The following PDZRN4 variants were observed in gnomAD, a reference collection of about 807,000 sequenced individuals.
The protein encoded by PDZRN4 is PDZ domain containing ring finger 4, also known as PDZ domain-containing RING finger protein 4.
In PDZRN4, 70 loss-of-function variants were observed where a neutral mutation model predicts 99.0. That is an observed-to-expected ratio of 0.71 (90% CI 0.58 to 0.86). The LOEUF is 0.86. Among genes scored for constraint, PDZRN4 ranks in the 40% least tolerant of loss-of-function variants. The pLI is 0.00. For missense variants in PDZRN4, 1,474 were observed against 1,331.2 expected, an observed-to-expected ratio of 1.11 and a Z score of -1.67; for synonymous variants, 551 against 501.6, an observed-to-expected ratio of 1.10 and a Z score of -1.32.
intron 3 of PDZRN4, among the ~76,000 whole-genome samples, chr12:41,316,718 C>T (rs1004777103): frequency 6.6e-6 from 1 of 151,794 alleles, no homozygotes; most frequent in Non-Finnish European, 1.5e-5. Flanking sequence ...ATCCAATTAC[C>T]TCCTATAAAA....
chr12:41,436,589 A>G (rs1952631540), intron 3 of PDZRN4, among the ~76,000 whole-genome samples: 2 of 152,220 alleles, frequency 1.3e-5, no homozygotes, highest in Non-Finnish European at 2.9e-5. Context: ...GATGTGCTGG[A>G]ACAAGGACAT....
At chr12:41,377,636 C>T (rs1187363524) in intron 3 of PDZRN4, among the ~76,000 whole-genome samples, 2 of 152,000 alleles carry the variant, frequency 1.3e-5, no homozygotes, top group Non-Finnish European at 2.9e-5. Flanking sequence ...TGCACTCCAG[C>T]CTGGTCAACA....
chr12:41,466,506 C>T (rs1455001494), intron 3 of PDZRN4, among the ~76,000 whole-genome samples: 1 of 152,162 alleles, frequency 6.6e-6, no homozygotes, highest in Non-Finnish European at 1.5e-5. Context: ...CTGTGCCTGC[C>T]TCTGTCGGAG....
intron 3 of PDZRN4, among the ~76,000 whole-genome samples, chr12:41,440,650 G>C (rs954058267): frequency 2.6e-5 from 4 of 152,114 alleles, no homozygotes; most frequent in African/African-American, 9.7e-5. Flanking sequence ...TTTTCAACTG[G>C]AGTTGGGCCA....
intron 3 of PDZRN4, among the ~76,000 whole-genome samples, chr12:41,390,526 T>C (rs1952202805): frequency 7.4e-6 from 1 of 135,068 alleles, no homozygotes. Context: ...AAAATACTAT[T>C]TTCACCTGGT....
rs754858822 is a variant in PDZRN4, at chr12:41,555,687, C to T, written c.1303-11C>T. On this transcript the variant is annotated splice_polypyrimidine_tract_variant and intron_variant, in intron 6 of 9. Coordinates refer to ENST00000402685, the MANE Select transcript of PDZRN4 (RefSeq NM_001164595.2). ...ATACCCAGTTGAAGATGTATGTCCT[C>T]TTCATTACAGGTTGACCCAAATAGC... The T allele has an allele frequency of 1.2e-6, 2 of 1,611,874 alleles. No homozygotes were observed. The highest frequency in any genetic ancestry group is 1.7e-5 in the Admixed American group (1 of 59,996).
At chr12:41,438,594 C>A (rs1220080502) in intron 3 of PDZRN4, among the ~76,000 whole-genome samples, 1 of 152,034 alleles carries the variant, frequency 6.6e-6, no homozygotes, top group African/African-American at 2.4e-5. Context: ...TTATTGGATC[C>A]TTTTTATAAG....
chr12:41,410,897 C>T (rs367577289), intron 3 of PDZRN4, among the ~76,000 whole-genome samples: 1 of 152,120 alleles, frequency 6.6e-6, no homozygotes, highest in East Asian at 1.9e-4. Flanking sequence ...TATTTTGAGA[C>T]AGAGTTTTAC....
intron 3 of PDZRN4, among the ~76,000 whole-genome samples, chr12:41,448,524 C>T (rs750248544): frequency 6.6e-6 from 1 of 152,130 alleles, no homozygotes; most frequent in East Asian, 1.9e-4. Context: ...AGTTCTGCTG[C>T]GCCTATGCAG....
chr12:41,516,502 A>T (rs2120701560), intron 5 of PDZRN4, among the ~76,000 whole-genome samples: 1 of 152,250 alleles, frequency 6.6e-6, no homozygotes, highest in East Asian at 1.9e-4. Context: ...TTTTCATAGG[A>T]TATCAATTTG....
At chr12:41,511,839 C>T (rs1052279496) in intron 5 of PDZRN4, among the ~76,000 whole-genome samples, 7 of 152,144 alleles carry the variant, frequency 4.6e-5, no homozygotes, top group Non-Finnish European at 8.8e-5. Context: ...TAGGCTCATT[C>T]AGTGAAGAGA....
At chr12:41,567,698 G>A (rs1700405526) in intron 8 of PDZRN4, 85 bp from the exon 9 acceptor site, 4 of 656,406 alleles carry the variant, frequency 6.1e-6, no homozygotes, top group East Asian at 3.1e-5. Context: ...AAAGGAACTC[G>A]TCGGGCACCG....
At chr12:41,404,121 A>G (rs923077864) in intron 3 of PDZRN4, among the ~76,000 whole-genome samples, 2 of 152,160 alleles carry the variant, frequency 1.3e-5, no homozygotes, top group Non-Finnish European at 1.5e-5. Context: ...TGATATATAC[A>G]TAGTTGTTAT....
chr12:41,542,466 G>A (rs1316419990), intron 5 of PDZRN4, among the ~76,000 whole-genome samples: 1 of 152,138 alleles, frequency 6.6e-6, no homozygotes, highest in Non-Finnish European at 1.5e-5. Context: ...CACAACAAAC[G>A]AAGCTCTCCA....
chr12:41,434,821 C>T (rs1952615113), intron 3 of PDZRN4, among the ~76,000 whole-genome samples: 1 of 152,076 alleles, frequency 6.6e-6, no homozygotes, highest in South Asian at 2.1e-4. Flanking sequence ...TATTTTTTAT[C>T]CCGTATTATT....
chr12:41,387,601 C>A lies in PDZRN4; in HGVS notation c.844-118855C>A, dbSNP rs560801427. On this transcript the variant is annotated intron_variant, in intron 3 of 9. Coordinates refer to ENST00000402685, the MANE Select transcript of PDZRN4 (RefSeq NM_001164595.2). ...AGCAAGACTCCAACAACAACAACAA[C>A]AAAAAAATGGGCATAGGCCATGAAC... 3.7e-3 allele frequency among the ~76,000 whole-genome samples: 566 copies of A among 151,900 alleles called. 1 individual carries two copies. The highest frequency in any genetic ancestry group is 0.014 in the Middle Eastern group (4 of 294).
At chr12:41,360,110 C>CTCCATGAACATAGAA (rs1951954224) in intron 3 of PDZRN4, among the ~76,000 whole-genome samples, 2 of 151,960 alleles carry the variant, frequency 1.3e-5, no homozygotes, top group South Asian at 4.1e-4. Flanking sequence ...AGATGATTAG[C>CTCCATGAACATAGAA]TCCATGAACA....
intron 3 of PDZRN4, among the ~76,000 whole-genome samples, chr12:41,238,415 C>G (rs1287580930): frequency 6.6e-6 from 1 of 152,112 alleles, no homozygotes; most frequent in East Asian, 1.9e-4. Flanking sequence ...GCAAAAGAAT[C>G]TATCATTAGA....
At chr12:41,527,255 G>C (rs761201675) in intron 5 of PDZRN4, among the ~76,000 whole-genome samples, 35 of 152,166 alleles carry the variant, frequency 2.3e-4, no homozygotes, top group Non-Finnish European at 4.7e-4. Flanking sequence ...AAATAGGTCA[G>C]TCTAACAGGA....
Sources: gnomAD v4.1 joint callset for allele counts (sites outside exome capture counted in the v4.1 genomes callset) on GRCh38, gnomAD v4.1.1 for gene constraint, MANE v1.5 for transcripts, NCBI Gene and HGNC (gene_info 2026-07-23, HGNC 2026-07-21) for gene names.